The following SLC20A2 variants were observed in gnomAD, a reference collection of about 807,000 sequenced individuals.
SLC20A2 encodes sodium-dependent phosphate transporter 2.
SLC20A2 carries 30 observed loss-of-function variants against 61.0 expected under a neutral mutation model. The observed-to-expected ratio is 0.49, with a 90% CI of 0.37 to 0.67. The LOEUF (loss-of-function observed/expected upper bound fraction) is 0.67, where lower values mean the gene tolerates loss of function less well. Among genes scored for constraint, SLC20A2 ranks in the 30% least tolerant of loss-of-function variants. SLC20A2 has a pLI of 0.00. For synonymous variants in SLC20A2, 351 were observed against 353.3 expected (o/e 0.99, Z 0.07); for missense variants, 626 against 866.4 (o/e 0.72, Z 3.48).
At chr8:42,453,585 A>C (rs1175847028) in intron 5 of SLC20A2, among the ~76,000 whole-genome samples, 2 of 152,248 alleles carry the variant, frequency 1.3e-5, no homozygotes, top group Non-Finnish European at 2.9e-5. Context: ...AACAGTATGT[A>C]ATGAAAGTCT....
chr8:42,540,964 G>A (rs1404605460), intron 1 of SLC20A2: 1 of 152,232 alleles, frequency 6.6e-6, no homozygotes, highest in Admixed American at 6.5e-5. Flanking sequence ...AAAACACTAC[G>A]GTGTCAGCCA....
chr8:42,419,710 A>T, intron 10 of SLC20A2: 1 of 970,044 alleles, frequency 1.0e-6, no homozygotes, highest in Non-Finnish European at 1.2e-6. Context: ...AATAGCTGTT[A>T]ATGTAGTGTC....
chr8:42,504,615 G>A (rs1222343334), upstream of SLC20A2, among the ~76,000 whole-genome samples: 2 of 151,602 alleles, frequency 1.3e-5, no homozygotes, highest in Non-Finnish European at 2.9e-5. Flanking sequence ...AGGCCGAGGT[G>A]GGTGGATCAC....
intron 5 of SLC20A2, among the ~76,000 whole-genome samples, chr8:42,451,660 T>C (rs111065720): frequency 3.2e-5 from 2 of 62,848 alleles, no homozygotes; most frequent in Admixed American, 2.4e-4. Flanking sequence ...GAGGAAGAGA[T>C]AGAGGGGGAG....
At chr8:42,458,810 G>A (rs1038021563) in intron 5 of SLC20A2, among the ~76,000 whole-genome samples, 3 of 151,978 alleles carry the variant, frequency 2.0e-5, no homozygotes, top group Non-Finnish European at 2.9e-5. Flanking sequence ...TCGGGAGGCT[G>A]AGGCAGGAGA....
At position 42,437,414 on chromosome 8, in the gene SLC20A2, G is replaced by A. The variant is rs1013714218; in HGVS notation, c.1098C>T (p.Gly366=). The change falls in exon 8 of 11, where the codon GGC becomes GGT. Residue 366 remains glycine (G), a synonymous_variant. Transcript: ENST00000520262. This position sits in a 1 kb window ranked among gnomAD's most constrained non-coding sequence, Gnocchi z 6.4. ...DLLHKIHIDR[G]PEEKPAQESN... ...TTTCCTGGGCTGGCTTCTCCTCGGG[G>A]CCCCTGTCGATGTGGATTTTGTGCA... 4 of 1,614,154 alleles carry A rather than the reference G, an allele frequency of 2.5e-6. No homozygotes were observed. The highest frequency in any genetic ancestry group is 1.6e-4 in the Middle Eastern group (1 of 6,062).
chr8:42,445,376 C>A (rs1313342306), intron 5 of SLC20A2, among the ~76,000 whole-genome samples: 1 of 152,038 alleles, frequency 6.6e-6, no homozygotes, highest in Non-Finnish European at 1.5e-5. Context: ...GGGATGAAAT[C>A]CATTTACATA....
At chr8:42,489,669 T>C (rs528900108) in intron 1 of SLC20A2, among the ~76,000 whole-genome samples, 65 of 152,314 alleles carry the variant, frequency 4.3e-4, no homozygotes, top group African/African-American at 1.5e-3. Flanking sequence ...ACTCAGATTT[T>C]CCCCTTGTTT....
chr8:42,439,139 A>G (rs1804564937), intron 7 of SLC20A2, among the ~76,000 whole-genome samples: 2 of 152,172 alleles, frequency 1.3e-5, no homozygotes, highest in African/African-American at 4.8e-5. Flanking sequence ...GCAATTCGAT[A>G]ACTCCTGGGG....
rs554892654 is a variant in SLC20A2 at position 42,510,210 on chromosome 8, C to CA, written c.-265+31610dup. 4.3e-3 allele frequency among the ~76,000 whole-genome samples: 649 copies of CA among 152,066 alleles called. 3 individuals are homozygous for CA. The highest frequency in any genetic ancestry group is 6.8e-3 in the Non-Finnish European group (459 of 67,940). ...TACTGGATTATACTAAAAACAAAAA[C>CA]AAAAAAACCCATTAAAAGTGCTTGA... On this transcript the variant is annotated intron_variant, in intron 1 of 10. Transcript: ENST00000342228.
At chr8:42,537,370 C>CAA (rs34392956) in intron 1 of SLC20A2, among the ~76,000 whole-genome samples, 1,447 of 86,004 alleles carry the variant, frequency 0.017, 18 homozygotes, top group South Asian at 0.038. Flanking sequence ...GACCCTGTCT[C>CAA]AAAAAAAAAA....
intron 2 of SLC20A2, among the ~76,000 whole-genome samples, chr8:42,468,273 A>T (rs73675072): frequency 5.9e-5 from 9 of 152,334 alleles, no homozygotes; most frequent in African/African-American, 1.9e-4. Flanking sequence ...AATTCAGACC[A>T]TAAGATTTGT....
intron 1 of SLC20A2, among the ~76,000 whole-genome samples, chr8:42,474,905 CAG>C (rs1163447410): frequency 7.6e-6 from 1 of 131,044 alleles, no homozygotes; most frequent in Non-Finnish European, 1.5e-5. Flanking sequence ...CTCAGACGGC[CAG>C]AGTCACGCTG....
rs184341501 is a variant in SLC20A2, at chr8:42,523,099, G to A, written c.-265+18722C>T. Among the ~76,000 whole-genome samples, 139 of 152,254 alleles carry A rather than the reference G, an allele frequency of 9.1e-4. 2 individuals carry two copies. The East Asian group carries it at 0.017, about 19-fold the overall frequency. On this transcript the variant is annotated intron_variant, in intron 1 of 10. Coordinates refer to the SLC20A2 transcript ENST00000342228. ...TGCAATCCCAGCACTTTGAGAGGCC[G>A]AGGCGGGCAGATCACGAGGTCAGGA...
rs1804418423 is a variant in SLC20A2, at chr8:42,437,817, T to C, written c.935-240A>G. Among the ~76,000 whole-genome samples, 1 of 151,714 alleles carries C rather than the reference T, an allele frequency of 6.6e-6. No individual in the cohort carries two copies. Among genetic ancestry groups the C allele is most frequent in the Admixed American group, 6.6e-5 (1 of 15,220 alleles). On this transcript the variant is annotated intron_variant, in intron 7 of 10. Coordinates refer to ENST00000520262, the MANE Select transcript of SLC20A2 (RefSeq NM_001257180.2). The surrounding 1 kb of genome is among the most constrained non-coding windows in gnomAD (Gnocchi z 6.4). ...TTTTAGTAGAGATGGGGTTTCACCA[T>C]GTTGGCCAGGATGGTCTCAAGCTCC...
rs1413549209 is a variant in SLC20A2 at position 42,475,288 on chromosome 8, C to T, written c.-264-2634G>A. ...CTAATTTTTAAATTTTTTGTAGAGA[C>T]GGGGTCGCCCTATGCTGCCCAGGCT... On this transcript the variant is annotated intron_variant, in intron 1 of 10. Transcript: ENST00000520262. Among the ~76,000 whole-genome samples the T allele has an allele frequency of 5.3e-5, 8 of 151,860 alleles. No homozygotes were observed. The East Asian group carries it at 7.8e-4, about 15-fold the overall frequency.
At chr8:42,512,959 C>T (rs191026626) in intron 1 of SLC20A2, among the ~76,000 whole-genome samples, 33 of 152,230 alleles carry the variant, frequency 2.2e-4, no homozygotes, top group African/African-American at 6.5e-4. Context: ...AGATAAGGAA[C>T]GAATAACACA....
rs371660920 is a variant in SLC20A2, at chr8:42,448,592, C to A, written c.614-3830G>T. ...CTTTGCACCTTTGCCGTCACACCTG[C>A]CTCTACCACTGATGTGGCCTGGGAT... On this transcript the variant is annotated intron_variant, in intron 5 of 10. Coordinates refer to ENST00000520262, the MANE Select transcript of SLC20A2 (RefSeq NM_001257180.2). 5.3e-5 allele frequency among the ~76,000 whole-genome samples: 8 copies of A among 152,338 alleles called. No individual in the cohort carries two copies. In the South Asian group the frequency reaches 1.7e-3, roughly 32 times the overall value.
chr8:42,416,897 A>G lies in SLC20A2; in HGVS notation c.*906T>C, dbSNP rs2130900589. On this transcript the variant is annotated 3_prime_UTR_variant, in exon 11 of 11. Transcript: ENST00000520262. ...CACACGCCCTCACCAACACCTGTGC[A>G]TTCTCTACTCTGATGACAAGGAAAG... is the stretch of plus-strand genomic sequence containing the variant. 6.5e-6 allele frequency: 1 copy of G among 152,838 alleles called. No homozygotes were observed. The highest frequency in any genetic ancestry group is 2.1e-4 in the South Asian group (1 of 4,830). 9.5% of individuals were successfully genotyped at this position (152,838 alleles called of 1,614,324 possible).
Sources: allele counts gnomAD v4.1 joint callset (sites outside exome capture counted in the v4.1 genomes callset), GRCh38; gene constraint gnomAD v4.1.1; non-coding constraint Gnocchi (gnomAD v3.1); transcripts MANE v1.5; gene names NCBI Gene and HGNC (gene_info 2026-07-23, HGNC 2026-07-21).